Variants in CACNB2 observed in about 807,000 individuals in gnomAD.
The protein encoded by CACNB2 is voltage-dependent L-type calcium channel subunit beta-2.
CACNB2 carries 42 observed loss-of-function variants against 73.3 expected under a neutral mutation model. That is an observed-to-expected ratio of 0.57 (90% confidence interval 0.45 to 0.74). The LOEUF is 0.74. Among genes scored for constraint, CACNB2 ranks in the 30% least tolerant of loss-of-function variants. CACNB2 has a pLI of 0.00. For synonymous variants in CACNB2, 348 were observed against 310.3 expected (o/e 1.12, Z -1.28); for missense variants, 940 against 853.0 (o/e 1.10, Z -1.27).
chr10:18,519,633 C>A (rs1249264469), intron 9 of CACNB2: 1 of 446,550 alleles, frequency 2.2e-6, no homozygotes, highest in Non-Finnish European at 4.5e-6. Context: ...AATGGAAACT[C>A]CATCACCATG....
intron 3 of CACNB2, among the ~76,000 whole-genome samples, chr10:18,402,378 A>G (rs1011480515): frequency 1.8e-5 from 2 of 111,244 alleles, no homozygotes; most frequent in Non-Finnish European, 3.6e-5. Flanking sequence ...ACAGTAAACT[A>G]TATCTCTGTT....
At chr10:18,376,882 C>G (rs1326180889) in intron 2 of CACNB2, among the ~76,000 whole-genome samples, 1 of 152,100 alleles carries the variant, frequency 6.6e-6, no homozygotes, top group Non-Finnish European at 1.5e-5. Context: ...GGCTGATGCC[C>G]TTTGGATTTA....
intron 2 of CACNB2, among the ~76,000 whole-genome samples, chr10:18,230,604 A>C (rs1309118338): frequency 6.6e-6 from 1 of 152,206 alleles, no homozygotes; most frequent in Non-Finnish European, 1.5e-5. Context: ...GAAAAACACG[A>C]GTTTTCTCTT....
At chr10:18,176,930 G>C (rs1372646497) in intron 2 of CACNB2, among the ~76,000 whole-genome samples, 4 of 151,982 alleles carry the variant, frequency 2.6e-5, no homozygotes, top group African/African-American at 9.7e-5. Context: ...TTTTGGTTAG[G>C]GGTACAGAAT....
intron 2 of CACNB2, among the ~76,000 whole-genome samples, chr10:18,155,799 A>T (rs2031993580): frequency 6.6e-6 from 1 of 151,790 alleles, no homozygotes; most frequent in Admixed American, 6.6e-5. Flanking sequence ...CATTTTTCTG[A>T]TATCTAACCC....
chr10:18,429,682 C>CAAATTAACCAAGAATGA (rs1491217169), intron 3 of CACNB2, among the ~76,000 whole-genome samples: 1 of 92,660 alleles, frequency 1.1e-5, no homozygotes, highest in African/African-American at 3.8e-5. Flanking sequence ...AAAAAAAAAA[C>CAAATTAACCAAGAATGA]CAAATTAACC....
chr10:18,499,617 GAAAAAAAAA>G (rs59492615), intron 4 of CACNB2, among the ~76,000 whole-genome samples: 26,724 of 99,880 alleles, frequency 0.27, 3,720 homozygotes, highest in Middle Eastern at 0.36. Context: ...CTGTCTCAAA[GAAAAAAAAA>G]AAAAAAAAAA....
Position 18,527,602 on chromosome 10 carries a change from G to T in CACNB2, c.959G>T (p.Arg320Met), listed in dbSNP as rs1386534345. ...HRFEGRISIT[R>M]VTADISLAKR... ...TCCTCCAACAGGATATCCATCACAA[G>T]GGTCACCGCTGACATCTCGCTTGCC... The change falls in exon 10 of 14, where the codon AGG (arginine) becomes ATG (methionine). Residue 320 changes from arginine to methionine, a missense_variant. Coordinates refer to ENST00000324631, the MANE Select transcript of CACNB2 (RefSeq NM_201596.3). 1 of 1,613,302 alleles carries T rather than the reference G, an allele frequency of 6.2e-7. No individual in the cohort carries two copies.
chr10:18,152,922 A>G (rs576084974), intron 2 of CACNB2, among the ~76,000 whole-genome samples: 1 of 152,266 alleles, frequency 6.6e-6, no homozygotes, highest in South Asian at 2.1e-4. Context: ...ACGCCACGTG[A>G]AGGCAGTCAC....
chr10:18,541,597 A>C lies in CACNB2; in HGVS notation c.*1873A>C, dbSNP rs2054070653. The C allele has an allele frequency of 1.3e-5, 2 of 152,220 alleles. No homozygotes were observed. The highest frequency in any genetic ancestry group is 4.1e-4 in the South Asian group (2 of 4,830). 9.4% of individuals were successfully genotyped at this position (152,220 alleles called of 1,614,324 possible). A position where few individuals can be genotyped will look rare whatever the true frequency, so the allele number is the denominator to read the frequency against. Reference sequence around the variant, plus strand: ...ATAAATCAGCCGGGCGCAGTGGCTCATGCCTGTAATCCCAGCAATTTGGGA... The same window carrying C: ...ATAAATCAGCCGGGCGCAGTGGCTCCTGCCTGTAATCCCAGCAATTTGGGA... On this transcript the variant is annotated 3_prime_UTR_variant, in exon 14 of 14. Transcript: ENST00000324631.
intron 2 of CACNB2, among the ~76,000 whole-genome samples, chr10:18,209,069 T>A (rs564328523): frequency 1.3e-5 from 2 of 152,356 alleles, no homozygotes; most frequent in African/African-American, 4.8e-5. Flanking sequence ...CCATTCCACA[T>A]TACCTGCAGA....
At chr10:18,197,262 C>G (rs1450113581) in intron 2 of CACNB2, among the ~76,000 whole-genome samples, 1 of 152,204 alleles carries the variant, frequency 6.6e-6, no homozygotes, top group African/African-American at 2.4e-5. Flanking sequence ...GAGCAAATCC[C>G]TTCCTTCTCA....
chr10:18,148,591 C>CA (rs958789929), intron 1 of CACNB2, among the ~76,000 whole-genome samples: 1 of 152,014 alleles, frequency 6.6e-6, no homozygotes, highest in East Asian at 1.9e-4. Flanking sequence ...TAAGCAACCA[C>CA]AAAAAAGCTT....
chr10:18,481,230 A>ATATATATTT (rs1564599797), intron 3 of CACNB2, among the ~76,000 whole-genome samples: 2 of 17,980 alleles, frequency 1.1e-4, no homozygotes, highest in African/African-American at 2.4e-4. Flanking sequence ...ATATATATAT[A>ATATATATTT]TTTTTTTTTT....
chr10:18,401,349 T>C (rs189137873), intron 2 of CACNB2, among the ~76,000 whole-genome samples: 8 of 152,290 alleles, frequency 5.3e-5, no homozygotes, highest in African/African-American at 1.9e-4. Context: ...TAAAGGTATT[T>C]TAAAATGTGT....
chr10:18,532,695 A>C (rs889375531), intron 10 of CACNB2, among the ~76,000 whole-genome samples: 8 of 81,074 alleles, frequency 9.9e-5, no homozygotes, highest in Admixed American at 3.6e-4. Flanking sequence ...AAAAAAAAAA[A>C]ACAAAACAAA....
At chr10:18,182,832 A>C (rs2033958612) in intron 2 of CACNB2, among the ~76,000 whole-genome samples, 1 of 151,922 alleles carries the variant, frequency 6.6e-6, no homozygotes, top group Non-Finnish European at 1.5e-5. Flanking sequence ...AAAAAAAAAA[A>C]AAACAAAAAC....
At chr10:18,335,983 T>A (rs1477026801) in intron 2 of CACNB2, among the ~76,000 whole-genome samples, 2 of 152,202 alleles carry the variant, frequency 1.3e-5, no homozygotes, top group Non-Finnish European at 2.9e-5. Flanking sequence ...TTTTCTATTG[T>A]AAATATGTTT....
At chr10:18,440,752 C>T (rs2046373900) in intron 3 of CACNB2, among the ~76,000 whole-genome samples, 1 of 152,066 alleles carries the variant, frequency 6.6e-6, no homozygotes, top group African/African-American at 2.4e-5. Context: ...GCAGTGGAAA[C>T]CATAAAGGCA....
Sources: gnomAD v4.1 joint callset for allele counts (sites outside exome capture counted in the v4.1 genomes callset) on GRCh38, gnomAD v4.1.1 for gene constraint, MANE v1.5 for transcripts, NCBI Gene and HGNC (gene_info 2026-07-23, HGNC 2026-07-21) for gene names.